TRHDE: variants seen among roughly 807,000 people sequenced by gnomAD.
TRHDE encodes thyrotropin-releasing hormone-degrading ectoenzyme.
A neutral mutation model predicts 125.7 loss-of-function variants in TRHDE; 72 were observed. That is an observed-to-expected ratio of 0.57 (90% confidence interval 0.47 to 0.70). The LOEUF (loss-of-function observed/expected upper bound fraction) is 0.70. TRHDE is among the 30% of genes least tolerant of loss of function. The pLI is 0.00. For missense variants in TRHDE, 1,110 were observed against 1,327.1 expected (o/e 0.84, Z 2.54); for synonymous variants, 509 against 509.1 (o/e 1.00, Z 0.00).
At chr12:72,561,516 G>A (rs1271183080) in intron 7 of TRHDE, among the ~76,000 whole-genome samples, 1 of 152,150 alleles carries the variant, frequency 6.6e-6, no homozygotes, top group Non-Finnish European at 1.5e-5. Flanking sequence ...CGGATAGAAA[G>A]TGTATAGGTT....
chr12:72,486,199 C>CCTGGG, intron 5 of TRHDE, among the ~76,000 whole-genome samples: 3 of 152,290 alleles, frequency 2.0e-5, no homozygotes, highest in African/African-American at 7.2e-5. Flanking sequence ...TGGGATGTAC[C>CCTGGG]TCAGAGCAAC....
intron 4 of TRHDE, 78 bp downstream of exon 4, chr12:72,469,990 AATT>A (rs1190448987): frequency 1.4e-6 from 2 of 1,413,560 alleles, no homozygotes; most frequent in South Asian, 2.5e-5. Flanking sequence ...TTAAGAGCTA[AATT>A]ATTATCCTCC....
intron 6 of TRHDE, among the ~76,000 whole-genome samples, chr12:72,521,033 A>G (rs887476759): frequency 2.0e-5 from 3 of 152,176 alleles, no homozygotes; most frequent in Non-Finnish European, 4.4e-5. Flanking sequence ...AGCAGAACCA[A>G]CATTTCAGCT....
chr12:72,131,065 A>ATTTTTTTTTTT (rs757285511), intron 2 of TRHDE, among the ~76,000 whole-genome samples: 2 of 105,468 alleles, frequency 1.9e-5, no homozygotes, highest in South Asian at 3.1e-4. Flanking sequence ...ACTTAATGTA[A>ATTTTTTTTTTT]TTTTTTTTTT....
chr12:72,508,427 A>G (rs949398519), intron 6 of TRHDE, among the ~76,000 whole-genome samples: 2 of 152,206 alleles, frequency 1.3e-5, no homozygotes, highest in African/African-American at 4.8e-5. Flanking sequence ...ATGGAGTCAA[A>G]GGAGGATATT....
At position 72,272,500 on chromosome 12, in the gene TRHDE, C is replaced by CCGT; in HGVS notation, c.-142_-140dup. 1 of 549,186 alleles carries CCGT rather than the reference C, an allele frequency of 1.8e-6. No homozygotes were observed. Among genetic ancestry groups the CCGT allele is most frequent in the Non-Finnish European group, 3.2e-6 (1 of 309,196 alleles). 34.0% of individuals were successfully genotyped at this position (549,186 alleles called of 1,614,324 possible). A position where few individuals can be genotyped will look rare whatever the true frequency, so the allele number is the denominator to read the frequency against. Reference sequence around the variant, plus strand: ...AGCTGCCGTCGCTTGTGTCCAGAACCCGTCTTAAAAGAACCCGGGCCAGCA... The same window carrying CCGT: ...AGCTGCCGTCGCTTGTGTCCAGAACCCGTCGTCTTAAAAGAACCCGGGCCAGCA... On this transcript the variant is annotated 5_prime_UTR_variant, in exon 1 of 19. Coordinates refer to ENST00000261180, the MANE Select transcript of TRHDE (RefSeq NM_013381.3). This position sits in a 1 kb window ranked among gnomAD's most constrained non-coding sequence, Gnocchi z 6.7.
chr12:72,388,191 A>G (rs1872507372), intron 3 of TRHDE, among the ~76,000 whole-genome samples: 1 of 152,104 alleles, frequency 6.6e-6, no homozygotes, highest in Non-Finnish European at 1.5e-5. Context: ...AAATAGATGC[A>G]TGGCTGAAAT....
At chr12:72,432,535 G>A (rs940121014) in intron 3 of TRHDE, among the ~76,000 whole-genome samples, 3 of 152,050 alleles carry the variant, frequency 2.0e-5, no homozygotes, top group African/African-American at 4.8e-5. Flanking sequence ...TATTCTCCCC[G>A]GGGTCTGCAG....
At chr12:72,637,988 G>T (rs1367372264) in intron 15 of TRHDE, among the ~76,000 whole-genome samples, 1 of 151,852 alleles carries the variant, frequency 6.6e-6, no homozygotes, top group Non-Finnish European at 1.5e-5. Flanking sequence ...CTGTCGATTT[G>T]GGGTGGAGAG....
intron 2 of TRHDE, among the ~76,000 whole-genome samples, chr12:72,322,007 A>C (rs1010318079): frequency 6.6e-6 from 1 of 152,146 alleles, no homozygotes; most frequent in Non-Finnish European, 1.5e-5. Flanking sequence ...AATAGGACAC[A>C]GTTTATTCAC....
chr12:72,326,694 G>A (rs1275906664), intron 2 of TRHDE, among the ~76,000 whole-genome samples: 1 of 152,122 alleles, frequency 6.6e-6, no homozygotes. Context: ...GTAATCACAA[G>A]TAACTCTTCC....
chr12:72,180,312 G>A (rs191477265), intron 2 of TRHDE, among the ~76,000 whole-genome samples: 1 of 151,972 alleles, frequency 6.6e-6, no homozygotes, highest in Non-Finnish European at 1.5e-5. Flanking sequence ...TTAAATAATT[G>A]TCAACATCTT....
chr12:72,308,802 T>A (rs977111529), intron 2 of TRHDE, among the ~76,000 whole-genome samples: 3 of 152,190 alleles, frequency 2.0e-5, no homozygotes, highest in African/African-American at 7.2e-5. Context: ...GATATGAAGT[T>A]ATACCATGAA....
At position 72,653,040 on chromosome 12, in the gene TRHDE, T is replaced by C. The variant is rs375779103; in HGVS notation, c.2868T>C (p.Ser956=). Reference sequence around the variant, plus strand: ...GGCTTCTAAATCTGTCACTGAATTCTGAGGTGGTGCTGGATCAAGATGCAA... The same window carrying C: ...GGCTTCTAAATCTGTCACTGAATTCCGAGGTGGTGCTGGATCAAGATGCAA... The part of the protein sequence containing the change: ...LNRLLNLSLN[S]EVVLDQDAID... The change falls in exon 17 of 19, where the codon TCT becomes TCC. Residue 956 remains serine, a synonymous_variant. Coordinates refer to ENST00000261180, the MANE Select transcript of TRHDE (RefSeq NM_013381.3). The C allele has an allele frequency of 3.6e-5, 58 of 1,607,106 alleles. No homozygotes were observed. The highest frequency in any genetic ancestry group is 2.4e-4 in the Admixed American group (14 of 59,276).
At chr12:72,592,794 T>C (rs1871745621) in intron 12 of TRHDE, among the ~76,000 whole-genome samples, 1 of 151,738 alleles carries the variant, frequency 6.6e-6, no homozygotes, top group Non-Finnish European at 1.5e-5. Flanking sequence ...CACTGCAACC[T>C]CCACCTCCCG....
intron 3 of TRHDE, among the ~76,000 whole-genome samples, chr12:72,394,134 T>A (rs1438584926): frequency 1.3e-5 from 2 of 152,210 alleles, no homozygotes; most frequent in Non-Finnish European, 2.9e-5. Context: ...TCAGGCTTAC[T>A]TTATCATGCT....
At chr12:72,479,610 TA>T (rs1006431143) in intron 5 of TRHDE, among the ~76,000 whole-genome samples, 2 of 150,864 alleles carry the variant, frequency 1.3e-5, no homozygotes, top group Admixed American at 6.7e-5. Context: ...AGCTGAAAAT[TA>T]AAAAAATTAT....
intron 5 of TRHDE, among the ~76,000 whole-genome samples, chr12:72,473,953 A>G (rs1038769680): frequency 2.0e-5 from 3 of 152,094 alleles, no homozygotes; most frequent in Admixed American, 6.6e-5. Flanking sequence ...ACCAATACTT[A>G]TCAATTTCCA....
intron 1 of TRHDE, among the ~76,000 whole-genome samples, chr12:72,092,953 T>A (rs1443092130): frequency 6.6e-6 from 1 of 152,210 alleles, no homozygotes; most frequent in Non-Finnish European, 1.5e-5. Context: ...GAAGTTTATG[T>A]GTATGTATGG....
Sources: gnomAD v4.1 joint callset for allele counts (sites outside exome capture counted in the v4.1 genomes callset) on GRCh38, gnomAD v4.1.1 for gene constraint, Gnocchi (gnomAD v3.1) non-coding constraint, MANE v1.5 for transcripts, NCBI Gene and HGNC (gene_info 2026-07-23, HGNC 2026-07-21) for gene names.